The following CHRM2 variants were observed in gnomAD, a reference collection of about 807,000 sequenced individuals.
The protein encoded by CHRM2 is cholinergic receptor muscarinic 2.
CHRM2 carries 8 observed loss-of-function variants against 25.0 expected under a neutral mutation model. The ratio of observed to expected loss-of-function variants is 0.32; its 90% CI spans 0.19 to 0.58. The LOEUF (loss-of-function observed/expected upper bound fraction) is 0.58, where lower values mean the gene tolerates loss of function less well. Ranked by LOEUF, CHRM2 falls within the 20% of genes least tolerant of loss-of-function variation. The pLI, the probability that CHRM2 is intolerant of heterozygous loss-of-function variation, is 0.88. For synonymous variants in CHRM2, 202 were observed against 205.7 expected (o/e 0.98, Z 0.15); for missense variants, 440 against 567.1 (o/e 0.78, Z 2.28).
At chr7:137,006,298 T>A (rs948778137) in intron 3 of CHRM2, among the ~76,000 whole-genome samples, 1 of 152,108 alleles carries the variant, frequency 6.6e-6, no homozygotes, top group African/African-American at 2.4e-5. Flanking sequence ...AACGAATTAA[T>A]GAAAAGGTGC....
intron 2 of CHRM2, among the ~76,000 whole-genome samples, chr7:136,931,386 G>A (rs185807162): frequency 1.5e-4 from 23 of 152,208 alleles, no homozygotes; most frequent in Non-Finnish European, 2.8e-4. Context: ...CTAAAGTGGC[G>A]AGCCCCAAGC....
intron 2 of CHRM2, among the ~76,000 whole-genome samples, chr7:136,983,701 A>C (rs940937718): frequency 6.6e-6 from 1 of 152,132 alleles, no homozygotes; most frequent in African/African-American, 2.4e-5. Flanking sequence ...CCTCTTCTGC[A>C]TGTCCGCTGG....
At chr7:136,950,098 T>C (rs950654714) in intron 2 of CHRM2, among the ~76,000 whole-genome samples, 4 of 152,208 alleles carry the variant, frequency 2.6e-5, no homozygotes, top group African/African-American at 7.2e-5. Context: ...TTTTTCTGAC[T>C]AATAATCTGA....
At chr7:136,985,504 CAAAAAAAAAAA>C (rs974105875) in intron 2 of CHRM2, among the ~76,000 whole-genome samples, 8 of 59,758 alleles carry the variant, frequency 1.3e-4, no homozygotes, top group South Asian at 1.9e-3. Flanking sequence ...AGTTAGACTC[CAAAAAAAAAAA>C]AAAAAAAAAA....
At chr7:136,917,638 A>G (rs183166582) in intron 2 of CHRM2, among the ~76,000 whole-genome samples, 33 of 152,082 alleles carry the variant, frequency 2.2e-4, no homozygotes, top group Non-Finnish European at 3.8e-4. Context: ...CACCAGCGCT[A>G]ATGTACAATC....
rs117312099 is a variant in CHRM2 at position 136,902,577 on chromosome 7, C to T, written c.-125+33159C>T. On this transcript the variant is annotated intron_variant, in intron 2 of 3. Coordinates refer to ENST00000680005, the MANE Select transcript of CHRM2 (RefSeq NM_001006630.2). ...TACCATAAGCAGCCACTTTCTTTCT[C>T]GAGCAAACTATAGTGAGAATGAAGC... 140 of 152,444 alleles carry T rather than the reference C, an allele frequency of 9.2e-4. No individual in the cohort carries two copies. In the East Asian group the frequency reaches 0.021, roughly 23 times the overall value. 9.4% of individuals were successfully genotyped at this position (152,444 alleles called of 1,614,324 possible).
chr7:136,958,294 G>A (rs1223452305), intron 2 of CHRM2, among the ~76,000 whole-genome samples: 5 of 152,142 alleles, frequency 3.3e-5, no homozygotes, highest in African/African-American at 9.6e-5. Flanking sequence ...TAGCAGCAGC[G>A]AGGGCAGAGT....
In CHRM2 at chr7:136,955,061, A is replaced by G. The variant is rs187645076; in HGVS notation, c.-124-37126A>G. Among the ~76,000 whole-genome samples, 171 of 152,262 alleles carry G rather than the reference A, an allele frequency of 1.1e-3. 2 individuals are homozygous for G. The highest frequency in any genetic ancestry group is 4.1e-4 in the Non-Finnish European group (28 of 68,020). On this transcript the variant is annotated intron_variant, in intron 2 of 3. Transcript: ENST00000680005. Reference sequence around the variant, plus strand: ...TTTCCTTTCTTGGTTTCTTAAGGACATTCTCGCATAGTTGTGTTGTAGATG... The same window carrying G: ...TTTCCTTTCTTGGTTTCTTAAGGACGTTCTCGCATAGTTGTGTTGTAGATG...
intron 2 of CHRM2, among the ~76,000 whole-genome samples, chr7:136,877,106 G>C (rs1033151497): frequency 1.2e-4 from 19 of 152,040 alleles, no homozygotes; most frequent in African/African-American, 4.6e-4. Flanking sequence ...AGGCATCAAG[G>C]AGGAAAGAAG....
chr7:136,885,234 G>A (rs1208252995), intron 2 of CHRM2, among the ~76,000 whole-genome samples: 1 of 152,224 alleles, frequency 6.6e-6, no homozygotes, highest in Non-Finnish European at 1.5e-5. Context: ...CAAATAGGAA[G>A]TCAAAAATTT....
intron 2 of CHRM2, among the ~76,000 whole-genome samples, chr7:136,945,362 G>C (rs1412685362): frequency 6.6e-6 from 1 of 152,070 alleles, no homozygotes; most frequent in African/African-American, 2.4e-5. Flanking sequence ...TATGATTTCA[G>C]ATCTTAGATT....
At chr7:136,961,350 T>C (rs12155015) in intron 2 of CHRM2, among the ~76,000 whole-genome samples, 101,892 of 151,978 alleles carry the variant, frequency 0.67, 34,976 homozygotes, top group African/African-American at 0.78. Flanking sequence ...CTATGATGTT[T>C]GGTATGTTGA....
chr7:136,871,842 A>G (rs1416254531), intron 2 of CHRM2: 4 of 152,224 alleles, frequency 2.6e-5, no homozygotes, highest in Non-Finnish European at 2.9e-5. Flanking sequence ...ACAATGTCCC[A>G]GCTTTGCAGG....
At chr7:136,989,839 T>TTCA (rs1803100010) in intron 2 of CHRM2, among the ~76,000 whole-genome samples, 1 of 152,104 alleles carries the variant, frequency 6.6e-6, no homozygotes, top group Non-Finnish European at 1.5e-5. Flanking sequence ...TTTTAGAACC[T>TTCA]TCATCAGATC....
intron 2 of CHRM2, among the ~76,000 whole-genome samples, chr7:136,947,872 T>A (rs543752098): frequency 6.6e-6 from 1 of 152,176 alleles, no homozygotes; most frequent in Non-Finnish European, 1.5e-5. Flanking sequence ...TAGGCCTTTC[T>A]GTCTTAATAG....
chr7:136,974,889 C>A (rs1802014801), intron 2 of CHRM2, among the ~76,000 whole-genome samples: 1 of 152,062 alleles, frequency 6.6e-6, no homozygotes, highest in Non-Finnish European at 1.5e-5. Flanking sequence ...AAGGTGAGAA[C>A]TGATGAGAAC....
chr7:136,911,438 C>T (rs1246902041), intron 2 of CHRM2, among the ~76,000 whole-genome samples: 1 of 151,832 alleles, frequency 6.6e-6, no homozygotes, highest in East Asian at 1.9e-4. Context: ...GATCAGAATA[C>T]ATATTTAGTA....
chr7:136,923,008 A>G (rs1478989611), intron 2 of CHRM2, among the ~76,000 whole-genome samples: 1 of 152,222 alleles, frequency 6.6e-6, no homozygotes, highest in Admixed American at 6.5e-5. Flanking sequence ...GTTATGATTA[A>G]ATAAACTATC....
At chr7:136,978,282 C>G (rs924309207) in intron 2 of CHRM2, among the ~76,000 whole-genome samples, 2 of 152,132 alleles carry the variant, frequency 1.3e-5, no homozygotes, top group East Asian at 3.9e-4. Flanking sequence ...TTTCCATTCA[C>G]GTGCCTAATC....
Sources: gnomAD v4.1 joint callset for allele counts (sites outside exome capture counted in the v4.1 genomes callset) on GRCh38, gnomAD v4.1.1 for gene constraint, MANE v1.5 for transcripts, NCBI Gene and HGNC (gene_info 2026-07-23, HGNC 2026-07-21) for gene names.